The following MDGA2 variants were observed in gnomAD, a reference collection of about 807,000 sequenced individuals.
The protein encoded by MDGA2 is MAM domain containing glycosylphosphatidylinositol anchor 2.
MDGA2 carries 40 observed loss-of-function variants against 117.8 expected under a neutral mutation model. The observed-to-expected ratio is 0.34, with a 90% CI of 0.26 to 0.44. The LOEUF (loss-of-function observed/expected upper bound fraction) is 0.44. Ranked by LOEUF, MDGA2 falls within the 20% of genes least tolerant of loss-of-function variation. The pLI, the probability that MDGA2 is intolerant of heterozygous loss-of-function variation, is 1.00. For missense variants in MDGA2, 1,123 were observed against 1,250.6 expected (o/e 0.90, Z 1.54); for synonymous variants, 452 against 439.0 (o/e 1.03, Z -0.37).
chr14:46,886,193 A>C (rs1882669427), intron 10 of MDGA2, among the ~76,000 whole-genome samples: 1 of 152,158 alleles, frequency 6.6e-6, no homozygotes, highest in Admixed American at 6.6e-5. Context: ...CAATGAGAAC[A>C]GATAAATTCT....
chr14:47,103,827 T>C (rs527905973), intron 5 of MDGA2, among the ~76,000 whole-genome samples: 56 of 152,350 alleles, frequency 3.7e-4, no homozygotes, highest in South Asian at 2.1e-4. Flanking sequence ...CCTTTAGGCA[T>C]TGCTTGTTCT....
chr14:47,261,006 T>C (rs904515107), intron 2 of MDGA2, among the ~76,000 whole-genome samples: 3 of 152,068 alleles, frequency 2.0e-5, no homozygotes, highest in African/African-American at 7.2e-5. Context: ...GTTAATAATA[T>C]GGACAAGAAT....
At chr14:47,308,852 G>C (rs1191602511) in intron 1 of MDGA2, among the ~76,000 whole-genome samples, 1 of 152,058 alleles carries the variant, frequency 6.6e-6, no homozygotes, top group Non-Finnish European at 1.5e-5. Context: ...TAAAAGAACA[G>C]GGCAGGAAAA....
At chr14:47,349,238 A>T (rs1890826508) in intron 1 of MDGA2, among the ~76,000 whole-genome samples, 1 of 152,212 alleles carries the variant, frequency 6.6e-6, no homozygotes, top group Non-Finnish European at 1.5e-5. Flanking sequence ...GTTTACCGGC[A>T]CTGGATTGCC....
At chr14:47,066,162 TTCTC>T (rs1890071616) in intron 6 of MDGA2, among the ~76,000 whole-genome samples, 1 of 152,192 alleles carries the variant, frequency 6.6e-6, no homozygotes, top group South Asian at 2.1e-4. Context: ...GAACCTATCT[TTCTC>T]CTCAATAGGG....
chr14:47,505,924 T>C (rs1369879223), intron 1 of MDGA2, among the ~76,000 whole-genome samples: 1 of 152,156 alleles, frequency 6.6e-6, no homozygotes, highest in Non-Finnish European at 1.5e-5. Flanking sequence ...GAAGAAATGA[T>C]GCTCAAAGCA....
At chr14:47,286,119 G>A (rs1330045633) in intron 2 of MDGA2, among the ~76,000 whole-genome samples, 10 of 151,774 alleles carry the variant, frequency 6.6e-5, no homozygotes, top group South Asian at 4.1e-4. Flanking sequence ...ATACTTTTAC[G>A]TATTTGTGGA....
At chr14:47,246,107 G>A (rs573062106) in intron 2 of MDGA2, among the ~76,000 whole-genome samples, 2 of 151,842 alleles carry the variant, frequency 1.3e-5, no homozygotes, top group East Asian at 1.9e-4. Context: ...CTCTTCCCTC[G>A]GCAGCCCACT....
chr14:46,857,720 T>C (rs1417346179), intron 14 of MDGA2, among the ~76,000 whole-genome samples: 2 of 152,176 alleles, frequency 1.3e-5, no homozygotes, highest in Non-Finnish European at 2.9e-5. Context: ...AGTGGTGCCA[T>C]GGCACCTCAC....
chr14:47,221,114 A>C (rs1484640070), intron 2 of MDGA2, among the ~76,000 whole-genome samples: 1 of 150,966 alleles, frequency 6.6e-6, no homozygotes, highest in African/African-American at 2.5e-5. Flanking sequence ...TACTAAATAA[A>C]GTTTTTTAAA....
intron 1 of MDGA2, among the ~76,000 whole-genome samples, chr14:47,477,368 T>C (rs1893865591): frequency 6.6e-6 from 1 of 152,148 alleles, no homozygotes; most frequent in South Asian, 2.1e-4. Context: ...CTTTGGAACC[T>C]AAAGTAGTGT....
rs1261847657 is a variant in MDGA2 at position 46,915,839 on chromosome 14, A to C, written c.2238+4173T>G. Among the ~76,000 whole-genome samples, 6 of 152,234 alleles carry C rather than the reference A, an allele frequency of 3.9e-5. No homozygotes were observed. The East Asian group carries it at 1.2e-3, about 30-fold the overall frequency. On this transcript the variant is annotated intron_variant, in intron 10 of 16. Transcript: ENST00000399232. ...TGGCTGTGCATCAGAATTACTTGGGACACTTGCTATAAACACAGCGGCCAG... is the reference window on the plus strand; with the variant it reads ...TGGCTGTGCATCAGAATTACTTGGGCCACTTGCTATAAACACAGCGGCCAG...
At chr14:47,086,573 T>C (rs894068672) in intron 6 of MDGA2, among the ~76,000 whole-genome samples, 2 of 151,532 alleles carry the variant, frequency 1.3e-5, no homozygotes, top group Non-Finnish European at 2.9e-5. Context: ...ACTTATTTTT[T>C]GAAAAGGTTC....
At chr14:47,283,208 T>C (rs1231895189) in intron 2 of MDGA2, among the ~76,000 whole-genome samples, 3 of 151,892 alleles carry the variant, frequency 2.0e-5, no homozygotes, top group Admixed American at 6.6e-5. Context: ...GGAAAACATA[T>C]TGAGGGAAAG....
chr14:47,437,822 G>A (rs562848345), intron 1 of MDGA2, among the ~76,000 whole-genome samples: 1 of 152,242 alleles, frequency 6.6e-6, no homozygotes, highest in South Asian at 2.1e-4. Context: ...TCCACTGTAG[G>A]AGTAATTTGC....
In MDGA2 at chr14:47,505,826, G is replaced by C. The variant is rs1018633218; in HGVS notation, c.280+168691C>G. 1.3e-5 allele frequency among the ~76,000 whole-genome samples: 2 copies of C among 152,100 alleles called. 1 individual carries two copies. The highest frequency in any genetic ancestry group is 3.9e-4 in the East Asian group (2 of 5,184). ...TGTGTTCGGCATATATCCATTATGA[G>C]TCTTGTCTATTGATTTTTTACTTGG... On this transcript the variant is annotated intron_variant, in intron 1 of 16. Coordinates refer to ENST00000399232, the MANE Select transcript of MDGA2 (RefSeq NM_001113498.3).
chr14:46,857,770 T>A (rs952889082), intron 14 of MDGA2, among the ~76,000 whole-genome samples: 5 of 152,112 alleles, frequency 3.3e-5, no homozygotes, highest in Admixed American at 6.5e-5. Flanking sequence ...TCTTCCCACC[T>A]CAGCTTCCAA....
intron 8 of MDGA2, among the ~76,000 whole-genome samples, chr14:47,017,511 T>G (rs1888127353): frequency 6.6e-6 from 1 of 152,002 alleles, no homozygotes; most frequent in Non-Finnish European, 1.5e-5. Context: ...GAACAAAGTA[T>G]GACACAGTCT....
intron 11 of MDGA2, among the ~76,000 whole-genome samples, chr14:46,880,442 A>C (rs1166542558): frequency 6.6e-6 from 1 of 152,114 alleles, no homozygotes; most frequent in Non-Finnish European, 1.5e-5. Context: ...CTAACACTGA[A>C]TATTAAAATT....
Sources: allele counts gnomAD v4.1 joint callset (sites outside exome capture counted in the v4.1 genomes callset), GRCh38; gene constraint gnomAD v4.1.1; transcripts MANE v1.5; gene names NCBI Gene and HGNC (gene_info 2026-07-23, HGNC 2026-07-21).